The following OR51C1 variants were observed in gnomAD, a reference collection of about 807,000 sequenced individuals.
OR51C1 encodes olfactory receptor OR51C1.
At chr11:4,691,986 G>A in the OR51C1 span, among the ~76,000 whole-genome samples, 1 of 152,120 alleles carries the variant, frequency 6.6e-6, no homozygotes, top group East Asian at 1.9e-4. Context: ...TCCTCTGATC[G>A]TTCTAGCCAT....
the OR51C1 span, among the ~76,000 whole-genome samples, chr11:4,696,316 G>A: frequency 3.3e-5 from 5 of 151,814 alleles, no homozygotes; most frequent in Admixed American, 1.3e-4. Flanking sequence ...AAACGACATC[G>A]AACTCTAGTA....
the OR51C1 span, among the ~76,000 whole-genome samples, chr11:4,693,551 C>G: frequency 6.6e-6 from 1 of 152,112 alleles, no homozygotes; most frequent in Non-Finnish European, 1.5e-5. Context: ...GAAACCTCGT[C>G]TCTACTAAAA....
the OR51C1 span, chr11:4,691,733 G>A: frequency 3.0e-6 from 1 of 331,880 alleles, no homozygotes; most frequent in Non-Finnish European, 5.9e-6. Context: ...CGAGATGAGA[G>A]CTTAAACAAA....
the OR51C1 span, among the ~76,000 whole-genome samples, chr11:4,691,904 A>C: frequency 1.3e-5 from 2 of 152,134 alleles, no homozygotes; most frequent in African/African-American, 4.8e-5. Flanking sequence ...TTTGTTTTTG[A>C]ATTTGCCTTA....
chr11:4,696,178 C>T, the OR51C1 span, among the ~76,000 whole-genome samples: 5 of 152,146 alleles, frequency 3.3e-5, no homozygotes, highest in African/African-American at 1.2e-4. Flanking sequence ...AAATAAAATA[C>T]TGTGGCTACC....
the OR51C1 span, chr11:4,692,064 G>T: frequency 5.2e-6 from 2 of 382,754 alleles, no homozygotes; most frequent in Admixed American, 3.4e-5. Context: ...TTTATGGCAT[G>T]TTTAAATTGT....
chr11:4,694,521 TAC>T, the OR51C1 span, among the ~76,000 whole-genome samples: 1 of 142,408 alleles, frequency 7.0e-6, no homozygotes, highest in African/African-American at 2.6e-5. Context: ...TATATATATA[TAC>T]ACACACACAT....
chr11:4,690,925 G>T, the OR51C1 span: 1 of 455,914 alleles, frequency 2.2e-6, no homozygotes, highest in Non-Finnish European at 4.4e-6. Flanking sequence ...ACAATGGACA[G>T]ACTGATCAAT....
At chr11:4,691,307 A>G in the OR51C1 span, 1 of 457,454 alleles carries the variant, frequency 2.2e-6, no homozygotes, top group Non-Finnish European at 4.4e-6. Context: ...TGGCATACCT[A>G]AGGGGATTAG....
At chr11:4,690,910 T>C in the OR51C1 span, 1 of 456,358 alleles carries the variant, frequency 2.2e-6, no homozygotes, top group Non-Finnish European at 4.4e-6. Flanking sequence ...TTCCCAAATC[T>C]GTGAACAATG....
the OR51C1 span, among the ~76,000 whole-genome samples, chr11:4,696,010 G>C: frequency 2.0e-5 from 3 of 152,216 alleles, no homozygotes; most frequent in Non-Finnish European, 4.4e-5. Flanking sequence ...TTAAAAGTTA[G>C]CAGAATCTTT....
the OR51C1 span, among the ~76,000 whole-genome samples, chr11:4,692,627 CGGG>C: frequency 6.6e-6 from 1 of 151,842 alleles, no homozygotes; most frequent in Non-Finnish European, 1.5e-5. Flanking sequence ...GAGTTGAAGA[CGGG>C]GGTCTAGGGA....
At chr11:4,692,032 G>A in the OR51C1 span, 1 of 346,382 alleles carries the variant, frequency 2.9e-6, no homozygotes, top group South Asian at 2.4e-5. Flanking sequence ...TTTACCCTGA[G>A]TTTGCCAATC....
the OR51C1 span, among the ~76,000 whole-genome samples, chr11:4,696,773 T>C: frequency 6.6e-6 from 1 of 152,228 alleles, no homozygotes; most frequent in Non-Finnish European, 1.5e-5. Flanking sequence ...ATGATGCTCC[T>C]CTTTCATTGC....
the OR51C1 span, chr11:4,691,711 A>G: frequency 5.6e-6 from 2 of 360,264 alleles, no homozygotes; most frequent in Non-Finnish European, 1.1e-5. Context: ...GTGATGAATT[A>G]AAAGTACAGA....
chr11:4,692,436 G>A, the OR51C1 span, among the ~76,000 whole-genome samples: 1 of 152,232 alleles, frequency 6.6e-6, no homozygotes, highest in Non-Finnish European at 1.5e-5. Flanking sequence ...TCTTCAGTCT[G>A]CTGGAAGACT....
At chr11:4,693,782 G>C in the OR51C1 span, among the ~76,000 whole-genome samples, 1 of 152,056 alleles carries the variant, frequency 6.6e-6, no homozygotes, top group South Asian at 2.1e-4. Context: ...CACTTCTCTT[G>C]ATCTTGCTTT....
At chr11:4,690,703 A>T in the OR51C1 span, 2 of 324,830 alleles carry the variant, frequency 6.2e-6, no homozygotes, top group Admixed American at 4.7e-5. Context: ...AATTGGAAAC[A>T]TGACCTGAAG....
the OR51C1 span, among the ~76,000 whole-genome samples, chr11:4,694,360 G>A: frequency 3.3e-5 from 5 of 151,268 alleles, no homozygotes; most frequent in Admixed American, 1.3e-4. Flanking sequence ...TCCTTCCTAC[G>A]TTCACGCTGG....
Sources: allele counts gnomAD v4.1 joint callset (sites outside exome capture counted in the v4.1 genomes callset), GRCh38; gene constraint gnomAD v4.1.1; transcripts MANE v1.5; gene names NCBI Gene and HGNC (gene_info 2026-07-23, HGNC 2026-07-21).